The following DHRS7 variants were observed in gnomAD, a reference collection of about 807,000 sequenced individuals.
The protein encoded by DHRS7 is dehydrogenase/reductase 7.
A neutral mutation model predicts 38.9 loss-of-function variants in DHRS7; 34 were observed. The ratio of observed to expected loss-of-function variants is 0.87; its 90% CI spans 0.66 to 1.16. The LOEUF (loss-of-function observed/expected upper bound fraction) is 1.16. Ranked by LOEUF, DHRS7 falls within the 50% of genes most tolerant of loss-of-function variation. The pLI is 0.00. For missense variants in DHRS7, 421 were observed against 407.0 expected, an observed-to-expected ratio of 1.03 and a Z score of -0.30; for synonymous variants, 158 against 153.1, an observed-to-expected ratio of 1.03 and a Z score of -0.24.
upstream of DHRS7, chr14:60,169,568 C>T (rs1321180847): frequency 6.6e-6 from 1 of 152,130 alleles, no homozygotes; most frequent in Non-Finnish European, 1.5e-5. Context: ...CCTGTGAAAC[C>T]ATCACCACAA....
intron 2 of DHRS7, 159 bp downstream of exon 2, chr14:60,155,841 G>C (rs1896646328): frequency 3.2e-6 from 2 of 628,950 alleles, no homozygotes; most frequent in Non-Finnish European, 2.3e-6. Context: ...AAAGGCGAGG[G>C]CAGCCAATTA....
At chr14:60,165,698 C>T, upstream of DHRS7, 1 of 997,856 alleles carries the variant, frequency 1.0e-6, no homozygotes, top group Non-Finnish European at 1.2e-6. The surrounding 1 kb of genome is among the most constrained non-coding windows in gnomAD (Gnocchi z 4.6). Flanking sequence ...CCTCTCTGTA[C>T]AGGGACACTA....
In DHRS7 at chr14:60,145,017, TAA is replaced by T; in HGVS notation, c.973-6_973-5del. 1 of 1,580,854 alleles carries T rather than the reference TAA, an allele frequency of 6.3e-7. No homozygotes were observed. The highest frequency in any genetic ancestry group is 8.5e-7 in the Non-Finnish European group (1 of 1,169,686). On this transcript the variant is annotated splice_region_variant and splice_polypyrimidine_tract_variant and intron_variant, in intron 6 of 6. Coordinates refer to ENST00000557185, the MANE Select transcript of DHRS7 (RefSeq NM_016029.4). The surrounding 1 kb of genome is among the most constrained non-coding windows in gnomAD (Gnocchi z 4.0). ...TAAAATAAGAAGAGTCTGCATCCTG[TAA>T]AAGAGGGACAGAAACATGGATCAGT...
intron 1 of DHRS7, among the ~76,000 whole-genome samples, chr14:60,164,370 T>C (rs1029577881): frequency 6.6e-6 from 1 of 152,056 alleles, no homozygotes; most frequent in Admixed American, 6.5e-5. Flanking sequence ...GGAAACCCCA[T>C]TTCCCCAAGT....
At chr14:60,166,654 A>G (rs1203024631), upstream of DHRS7, among the ~76,000 whole-genome samples, 7 of 151,782 alleles carry the variant, frequency 4.6e-5, no homozygotes, top group Non-Finnish European at 7.4e-5. Flanking sequence ...CCCCACCCTC[A>G]TCCTTCTCTA....
upstream of DHRS7, among the ~76,000 whole-genome samples, chr14:60,167,578 C>T (rs1896883705): frequency 6.6e-6 from 1 of 152,126 alleles, no homozygotes; most frequent in Non-Finnish European, 1.5e-5. Flanking sequence ...GGCAGTTGTG[C>T]GTAAGCAATT....
At chr14:60,165,892 G>A (rs1478989740), upstream of DHRS7, among the ~76,000 whole-genome samples, 1 of 152,194 alleles carries the variant, frequency 6.6e-6, no homozygotes, top group Non-Finnish European at 1.5e-5. The surrounding 1 kb of genome is among the most constrained non-coding windows in gnomAD (Gnocchi z 4.6). Context: ...ATGGGGACAA[G>A]GTCCTTTTAC....
At position 60,161,400 on chromosome 14, in the gene DHRS7, T is replaced by C. The variant is rs1388543676; in HGVS notation, c.133+3777A>G. ...TTTAAATTGTGTTGCAATTCTGCTT[T>C]CTTGTTTTACAAAAAGCTGTTTCAG... On this transcript the variant is annotated intron_variant, in intron 1 of 6. Transcript: ENST00000557185. This position sits in a 1 kb window ranked among gnomAD's most constrained non-coding sequence, Gnocchi z 4.2. Among the ~76,000 whole-genome samples, 1 of 152,230 alleles carries C rather than the reference T, an allele frequency of 6.6e-6. No individual in the cohort carries two copies. Among genetic ancestry groups the C allele is most frequent in the African/African-American group, 2.4e-5 (1 of 41,452 alleles).
At chr14:60,155,851 A>T in intron 2 of DHRS7, 149 bp downstream of exon 2, 1 of 777,326 alleles carries the variant, frequency 1.3e-6, no homozygotes, top group Non-Finnish European at 1.8e-6. Flanking sequence ...GCAGCCAATT[A>T]AGGCAAAAAG....
chr14:60,154,102 A>G (rs202101970), intron 2 of DHRS7, 37 bp from the exon 3 acceptor site: 154 of 1,551,036 alleles, frequency 9.9e-5, no homozygotes, highest in Admixed American at 1.7e-4. Flanking sequence ...AAGTCATGCC[A>G]TAGTTCAGTC....
upstream of DHRS7, chr14:60,165,462 C>T (rs955531409): frequency 1.8e-5 from 24 of 1,357,240 alleles, no homozygotes; most frequent in Middle Eastern, 8.2e-4. This position sits in a 1 kb window ranked among gnomAD's most constrained non-coding sequence, Gnocchi z 4.6. Flanking sequence ...AGGAGCGGCT[C>T]GGGCGCGCCG....
chr14:60,150,256 A>C, intron 4 of DHRS7, 69 bp from the exon 5 acceptor site: 1 of 1,383,278 alleles, frequency 7.2e-7, no homozygotes. Context: ...TGATTTATCA[A>C]AATATGTTCT....
At chr14:60,152,199 TTG>T (rs1350253326) in intron 4 of DHRS7, among the ~76,000 whole-genome samples, 1 of 152,212 alleles carries the variant, frequency 6.6e-6, no homozygotes, top group Non-Finnish European at 1.5e-5. Flanking sequence ...AATATAAATT[TTG>T]TGTCTTCCTT....
At position 60,146,636 on chromosome 14, in the gene DHRS7, G is replaced by A. The variant is rs371183393; in HGVS notation, c.973-1623C>T. On this transcript the variant is annotated intron_variant, in intron 6 of 6. Transcript: ENST00000557185. The surrounding 1 kb of genome is among the most constrained non-coding windows in gnomAD (Gnocchi z 4.9). ...TAGCCAAGATATGGAAACAACCTAAGTGTCCATTAGTGAATGAATGGATAA... is the reference window on the plus strand; with the variant it reads ...TAGCCAAGATATGGAAACAACCTAAATGTCCATTAGTGAATGAATGGATAA... The A allele has an allele frequency of 1.5e-4, 23 of 151,908 alleles. No homozygotes were observed. The highest frequency in any genetic ancestry group is 4.8e-4 in the African/African-American group (20 of 41,342). The allele number at this position is 151,908 out of a possible 1,614,324, so 9.4% of individuals were successfully genotyped here.
chr14:60,144,797 C>A lies in DHRS7; in HGVS notation c.*169G>T. ...AATACCTTTTTTGCAAGATTCATGG[C>A]AATCTTTTATTATTTATTTTTTATT... On this transcript the variant is annotated 3_prime_UTR_variant, in exon 7 of 7. Transcript: ENST00000557185. The A allele has an allele frequency of 1.6e-6, 1 of 627,396 alleles. No individual in the cohort carries two copies. 38.9% of individuals were successfully genotyped at this position (627,396 alleles called of 1,614,324 possible).
upstream of DHRS7, among the ~76,000 whole-genome samples, chr14:60,167,080 T>A (rs760956443): frequency 2.0e-5 from 3 of 152,204 alleles, no homozygotes; most frequent in African/African-American, 7.2e-5. Flanking sequence ...CTATAGTCAA[T>A]AATAATTTAG....
At chr14:60,152,740 ATTTG>A in intron 4 of DHRS7, 195 bp downstream of exon 4, 1 of 600,030 alleles carries the variant, frequency 1.7e-6, no homozygotes. Flanking sequence ...ATACATATTT[ATTTG>A]TTCAACAAGT....
chr14:60,168,562 T>C (rs1896894564), upstream of DHRS7: 5 of 1,134,582 alleles, frequency 4.4e-6, no homozygotes. Flanking sequence ...TTCCTGTGAA[T>C]CTATAATCAT....
chr14:60,152,774 A>G (rs1896571746), intron 4 of DHRS7, 165 bp downstream of exon 4: 1 of 656,350 alleles, frequency 1.5e-6, no homozygotes, highest in Non-Finnish European at 2.6e-6. Context: ...GTGTGGATCA[A>G]GTCTTTTTTA....
Sources: gnomAD v4.1 joint callset for allele counts (sites outside exome capture counted in the v4.1 genomes callset) on GRCh38, gnomAD v4.1.1 for gene constraint, Gnocchi (gnomAD v3.1) non-coding constraint, MANE v1.5 for transcripts, NCBI Gene and HGNC (gene_info 2026-07-23, HGNC 2026-07-21) for gene names.